DYTN: variants seen among roughly 807,000 people sequenced by gnomAD.
DYTN encodes dystrotelin.
Under a neutral mutation model 69.6 loss-of-function variants are expected in DYTN, and 75 were observed. The observed-to-expected ratio is 1.08, with a 90% CI of 0.89 to 1.31. DYTN has a LOEUF of 1.31. Among genes scored for constraint, DYTN ranks in the 50% most tolerant of loss-of-function variants. DYTN has a pLI of 0.00. For synonymous variants in DYTN, 252 were observed against 249.1 expected (o/e 1.01, Z -0.11); for missense variants, 726 against 688.4 (o/e 1.05, Z -0.61).
chr2:206,668,920 TGAA>T (rs1699603082), intron 9 of DYTN, among the ~76,000 whole-genome samples: 1 of 152,200 alleles, frequency 6.6e-6, no homozygotes, highest in African/African-American at 2.4e-5. Flanking sequence ...TGCCACCCTG[TGAA>T]GAAGGTGTCT....
chr2:206,718,101 G>A (rs1483239632), intron 1 of DYTN, among the ~76,000 whole-genome samples, 160 bp downstream of exon 1: 1 of 152,172 alleles, frequency 6.6e-6, no homozygotes, highest in Admixed American at 6.5e-5. Context: ...TTTCTGTTTA[G>A]AAGAGAGAGA....
At chr2:206,676,231 T>C (rs1167326112) in intron 9 of DYTN, among the ~76,000 whole-genome samples, 2 of 152,148 alleles carry the variant, frequency 1.3e-5, no homozygotes, top group East Asian at 1.9e-4. Context: ...ATATACACCA[T>C]GGAATACTAT....
intron 11 of DYTN, among the ~76,000 whole-genome samples, chr2:206,660,184 C>T (rs1439707726): frequency 1.3e-5 from 2 of 152,188 alleles, no homozygotes; most frequent in Non-Finnish European, 2.9e-5. Context: ...TTTGATAATG[C>T]TAATTGTATA....
chr2:206,684,369 A>G (rs1699784001), intron 9 of DYTN, among the ~76,000 whole-genome samples: 1 of 152,080 alleles, frequency 6.6e-6, no homozygotes, highest in South Asian at 2.1e-4. Context: ...CAGTGGCACT[A>G]TCATGGCTCA....
At chr2:206,687,722 T>G (rs2105895791) in intron 9 of DYTN, among the ~76,000 whole-genome samples, 1 of 152,298 alleles carries the variant, frequency 6.6e-6, no homozygotes. Flanking sequence ...TTCAGATGGA[T>G]AGCCAATTAT....
chr2:206,680,173 A>G (rs988390437), intron 9 of DYTN, among the ~76,000 whole-genome samples: 5 of 152,218 alleles, frequency 3.3e-5, no homozygotes, highest in Non-Finnish European at 5.9e-5. Flanking sequence ...CATGGCAGAA[A>G]GCAACAGAGG....
rs192662628 is a variant in DYTN at position 206,668,014 on chromosome 2, A to G, written c.981-1985T>C. On this transcript the variant is annotated intron_variant, in intron 9 of 11. Coordinates refer to ENST00000452335, the MANE Select transcript of DYTN (RefSeq NM_001093730.1). ...CTCTAACTTCCAGACAGTCACACAC[A>G]GGTGAAACAGGAGTCTGACTCTAAA... Among the ~76,000 whole-genome samples, 191 of 152,302 alleles carry G rather than the reference A, an allele frequency of 1.3e-3. 1 individual carries two copies. The highest frequency in any genetic ancestry group is 4.4e-3 in the African/African-American group (183 of 41,584).
At chr2:206,679,787 C>T (rs1699730228) in intron 9 of DYTN, among the ~76,000 whole-genome samples, 4 of 152,148 alleles carry the variant, frequency 2.6e-5, no homozygotes. Flanking sequence ...CTGTGATATA[C>T]TTAATTATAC....
chr2:206,662,586 A>T (rs952210327), intron 11 of DYTN, among the ~76,000 whole-genome samples: 3 of 151,966 alleles, frequency 2.0e-5, no homozygotes, highest in African/African-American at 7.3e-5. Context: ...CTGCCCAGTT[A>T]TATATGATTT....
Position 206,665,950 on chromosome 2 carries a change from A to G in DYTN, c.1060T>C (p.Phe354Leu). ...TTGAGTTTGTGAATCCTTGTTTCAA[A>G]TCGACAAATTCTTTCTTCCTGGGAG... Reference protein sequence around the residue: ...YTSQEERICRFETRIHKLKTN... With the variant: ...YTSQEERICRLETRIHKLKTN... The change falls in exon 10 of 12, where the codon TTT becomes CTT. Residue 354 changes from phenylalanine to leucine, a missense_variant. Phe to Leu is a conservative substitution (Grantham distance 22). Coordinates refer to ENST00000452335, the MANE Select transcript of DYTN (RefSeq NM_001093730.1). The G allele has an allele frequency of 6.2e-7, 1 of 1,613,968 alleles. No homozygotes were observed. Among genetic ancestry groups the G allele is most frequent in the Non-Finnish European group, 8.5e-7 (1 of 1,179,876 alleles).
chr2:206,686,089 C>G (rs562558142), intron 9 of DYTN, among the ~76,000 whole-genome samples: 11 of 152,114 alleles, frequency 7.2e-5, no homozygotes, highest in African/African-American at 2.4e-4. Flanking sequence ...GCCACAGACC[C>G]TTTGCTGTGG....
chr2:206,710,451 G>A, intron 2 of DYTN, 73 bp downstream of exon 2: 1 of 1,427,730 alleles, frequency 7.0e-7, no homozygotes, highest in South Asian at 1.3e-5. Context: ...GGGAGTGTTT[G>A]TTTTCTCTAT....
At chr2:206,696,585 A>T (rs1183143706) in intron 7 of DYTN, among the ~76,000 whole-genome samples, 1 of 152,194 alleles carries the variant, frequency 6.6e-6, no homozygotes, top group Admixed American at 6.5e-5. Flanking sequence ...TATTCATACG[A>T]TTACCCTCAT....
In DYTN at chr2:206,668,821, A is replaced by G. The variant is rs540854554; in HGVS notation, c.981-2792T>C. On this transcript the variant is annotated intron_variant, in intron 9 of 11. Transcript: ENST00000452335. The stretch of plus-strand genomic sequence containing the variant: ...TTAAATCATGAGGGCAGTTTTCCCC[A>G]TGCTGTTCTCATGATAGTGAGTGAG... Among the ~76,000 whole-genome samples, 409 of 151,174 alleles carry G rather than the reference A, an allele frequency of 2.7e-3. 1 individual carries two copies. The highest frequency in any genetic ancestry group is 9.3e-3 in the African/African-American group (377 of 40,488).
intron 1 of DYTN, among the ~76,000 whole-genome samples, chr2:206,710,830 C>A (rs1700073310): frequency 6.6e-6 from 1 of 152,054 alleles, no homozygotes; most frequent in South Asian, 2.1e-4. Flanking sequence ...ACGGAATACT[C>A]CATCAATCTG....
chr2:206,714,044 G>T (rs534944249), intron 1 of DYTN, among the ~76,000 whole-genome samples: 2 of 152,280 alleles, frequency 1.3e-5, no homozygotes, highest in Admixed American at 1.3e-4. Context: ...ATGTGGCAAG[G>T]TCATTTGTGG....
chr2:206,706,780 C>G (rs963810989), intron 3 of DYTN, among the ~76,000 whole-genome samples: 1 of 151,988 alleles, frequency 6.6e-6, no homozygotes, highest in Admixed American at 6.6e-5. Context: ...AACACACGCA[C>G]CCCTACCACA....
chr2:206,716,012 AG>A (rs1460104881), intron 1 of DYTN, among the ~76,000 whole-genome samples: 1 of 152,106 alleles, frequency 6.6e-6, no homozygotes. Context: ...CGCTTGAACC[AG>A]GGAGTTGGAG....
At chr2:206,652,930 A>T (rs893430224) in intron 11 of DYTN, among the ~76,000 whole-genome samples, 3 of 152,184 alleles carry the variant, frequency 2.0e-5, no homozygotes, top group Non-Finnish European at 4.4e-5. Context: ...GTATTACATT[A>T]TTTGTGTAAT....
Sources: allele counts gnomAD v4.1 joint callset (sites outside exome capture counted in the v4.1 genomes callset), GRCh38; gene constraint gnomAD v4.1.1; transcripts MANE v1.5; gene names NCBI Gene and HGNC (gene_info 2026-07-23, HGNC 2026-07-21).